DPP10: variants seen among roughly 807,000 people sequenced by gnomAD.
DPP10 encodes inactive dipeptidyl peptidase 10.
In DPP10, 33 loss-of-function variants were observed where a neutral mutation model predicts 120.9. The observed-to-expected ratio is 0.27, with a 90% CI of 0.21 to 0.37. DPP10 has a LOEUF of 0.37. Ranked by LOEUF, DPP10 falls within the 10% of genes least tolerant of loss-of-function variation. DPP10 has a pLI of 1.00. For synonymous variants in DPP10, 337 were observed against 326.1 expected (o/e 1.03, Z -0.36); for missense variants, 816 against 942.8 (o/e 0.87, Z 1.76).
At chr2:115,666,164 A>G (rs2089439095) in intron 5 of DPP10, among the ~76,000 whole-genome samples, 1 of 152,108 alleles carries the variant, frequency 6.6e-6, no homozygotes, top group Non-Finnish European at 1.5e-5. Flanking sequence ...TTTCTACATT[A>G]GTTCATTTAG....
At chr2:114,893,067 T>C (rs1372661185) in intron 1 of DPP10, among the ~76,000 whole-genome samples, 1 of 152,192 alleles carries the variant, frequency 6.6e-6, no homozygotes. Flanking sequence ...ATTCCATAGT[T>C]AAGCAAGCTC....
chr2:115,763,660 C>G (rs780412012), intron 12 of DPP10, among the ~76,000 whole-genome samples: 2 of 152,098 alleles, frequency 1.3e-5, no homozygotes, highest in African/African-American at 2.4e-5. Context: ...AAGTCTCAAC[C>G]CCTCAGGCAC....
chr2:114,536,445 A>T (rs1439359248), intron 1 of DPP10, among the ~76,000 whole-genome samples: 11 of 124,842 alleles, frequency 8.8e-5, no homozygotes, highest in Non-Finnish European at 1.3e-4. Context: ...TCGCTCTGTC[A>T]CCCCGGCTGG....
intron 1 of DPP10, among the ~76,000 whole-genome samples, chr2:114,691,985 T>G (rs546914716): frequency 6.6e-6 from 1 of 152,228 alleles, no homozygotes; most frequent in East Asian, 1.9e-4. Context: ...TTCTTCTTTA[T>G]TAGTATAGCT....
chr2:115,700,692 AC>A (rs973636516), intron 7 of DPP10, among the ~76,000 whole-genome samples: 1 of 152,130 alleles, frequency 6.6e-6, no homozygotes, highest in Non-Finnish European at 1.5e-5. Context: ...CCTAGAGTCC[AC>A]ACACACACTC....
chr2:115,743,741 T>A (rs1197767839), intron 9 of DPP10, among the ~76,000 whole-genome samples: 1 of 144,418 alleles, frequency 6.9e-6, no homozygotes, highest in African/African-American at 2.4e-5. Context: ...TTGTCTCATT[T>A]TTGACAAAAT....
intron 1 of DPP10, among the ~76,000 whole-genome samples, chr2:114,779,068 G>A (rs760098084): frequency 6.6e-6 from 1 of 152,030 alleles, no homozygotes; most frequent in Non-Finnish European, 1.5e-5. Flanking sequence ...TTGGTCCAGT[G>A]GAGTTGGTAC....
At chr2:115,063,495 C>T (rs539836576) in intron 1 of DPP10, among the ~76,000 whole-genome samples, 219 of 152,252 alleles carry the variant, frequency 1.4e-3, no homozygotes, top group African/African-American at 5.0e-3. Context: ...CTGGGGGCAT[C>T]ATGCTACCTG....
At chr2:114,864,811 G>T (rs1690094268) in intron 1 of DPP10, among the ~76,000 whole-genome samples, 1 of 152,138 alleles carries the variant, frequency 6.6e-6, no homozygotes, top group Admixed American at 6.5e-5. Flanking sequence ...TGGAAATTTG[G>T]CTTCAGTACT....
At chr2:115,343,493 A>G (rs1257874183) in intron 2 of DPP10, among the ~76,000 whole-genome samples, 1 of 152,158 alleles carries the variant, frequency 6.6e-6, no homozygotes, top group Non-Finnish European at 1.5e-5. Context: ...GCTGAATTAT[A>G]GTTAAATGGT....
intron 1 of DPP10, among the ~76,000 whole-genome samples, chr2:115,301,468 CTTT>C (rs5833587): frequency 1.3e-3 from 171 of 135,876 alleles, no homozygotes; most frequent in Admixed American, 1.3e-3. Flanking sequence ...AAGTGGGCTA[CTTT>C]TTTTTTTTTT....
chr2:115,620,674 C>G (rs1172858229), intron 5 of DPP10, among the ~76,000 whole-genome samples: 3 of 152,174 alleles, frequency 2.0e-5, no homozygotes. Flanking sequence ...ATATGGGGTA[C>G]AAGATTAGTA....
intron 1 of DPP10, among the ~76,000 whole-genome samples, chr2:115,229,298 G>A (rs1201894863): frequency 6.6e-6 from 1 of 152,114 alleles, no homozygotes; most frequent in Non-Finnish European, 1.5e-5. Context: ...TGGATAGTCT[G>A]AAAATCTGTT....
intron 1 of DPP10, among the ~76,000 whole-genome samples, chr2:115,265,225 C>T (rs140679741): frequency 4.6e-3 from 691 of 150,760 alleles, no homozygotes; most frequent in Middle Eastern, 0.014. Flanking sequence ...ATGTACACAT[C>T]GATGTTCCCA....
At chr2:115,571,798 C>A (rs2081352021) in intron 5 of DPP10, among the ~76,000 whole-genome samples, 1 of 151,608 alleles carries the variant, frequency 6.6e-6, no homozygotes, top group South Asian at 2.1e-4. Context: ...TCTCAAAACC[C>A]CAAGTCCATT....
At chr2:115,840,318 G>GTTTTTTTTTTTTTTTTTT (rs1559227733) in intron 24 of DPP10, among the ~76,000 whole-genome samples, 5 of 31,886 alleles carry the variant, frequency 1.6e-4, no homozygotes, top group African/African-American at 4.9e-4. Flanking sequence ...AAGGTTTTTT[G>GTTTTTTTTTTTTTTTTTT]GTTTTTTTTT....
At chr2:115,823,425 T>C (rs1688004605) in intron 21 of DPP10, among the ~76,000 whole-genome samples, 1 of 152,150 alleles carries the variant, frequency 6.6e-6, no homozygotes, top group African/African-American at 2.4e-5. Flanking sequence ...TTGTCACATT[T>C]AGACAATGCT....
chr2:115,269,151 A>G (rs1282401326), intron 1 of DPP10, among the ~76,000 whole-genome samples: 1 of 152,194 alleles, frequency 6.6e-6, no homozygotes. Flanking sequence ...CGTCTCAAAG[A>G]AAAAAAGAAA....
At chr2:115,149,825 A>C (rs1235852774) in intron 1 of DPP10, among the ~76,000 whole-genome samples, 2 of 152,208 alleles carry the variant, frequency 1.3e-5, no homozygotes, top group East Asian at 3.9e-4. Context: ...TATACTAAAA[A>C]ATTATTCGTT....
Sources: gnomAD v4.1 joint callset for allele counts (sites outside exome capture counted in the v4.1 genomes callset) on GRCh38, gnomAD v4.1.1 for gene constraint, MANE v1.5 for transcripts, NCBI Gene and HGNC (gene_info 2026-07-23, HGNC 2026-07-21) for gene names.